Variants in ABI3BP observed in about 807,000 individuals in gnomAD.
ABI3BP encodes the protein target of Nesh-SH3.
Under a neutral mutation model 268.6 loss-of-function variants are expected in ABI3BP, and 216 were observed. The observed-to-expected ratio is 0.80, with a 90% CI of 0.72 to 0.90. The LOEUF (loss-of-function observed/expected upper bound fraction) is 0.90, where lower values mean the gene tolerates loss of function less well. ABI3BP is among the 40% of genes least tolerant of loss of function. The pLI, the probability that ABI3BP is intolerant of heterozygous loss-of-function variation, is 0.00. For missense variants in ABI3BP, 2,090 were observed against 2,182.4 expected, an observed-to-expected ratio of 0.96 and a Z score of 0.84; for synonymous variants, 730 against 730.0, an observed-to-expected ratio of 1.00 and a Z score of 0.00.
intron 63 of ABI3BP, among the ~76,000 whole-genome samples, chr3:100,761,865 G>C (rs1203989431): frequency 6.6e-6 from 1 of 152,172 alleles, no homozygotes; most frequent in Non-Finnish European, 1.5e-5. Context: ...GACAAGTGAT[G>C]GAAAATGCTA....
intron 14 of ABI3BP, among the ~76,000 whole-genome samples, chr3:100,858,546 A>G (rs1171599542): frequency 6.6e-6 from 1 of 152,236 alleles, no homozygotes; most frequent in African/African-American, 2.4e-5. Flanking sequence ...CTTTTTGAGT[A>G]CACATATTCT....
intron 50 of ABI3BP, among the ~76,000 whole-genome samples, chr3:100,805,682 C>G (rs1231840816): frequency 6.6e-6 from 1 of 151,932 alleles, no homozygotes; most frequent in Non-Finnish European, 1.5e-5. Flanking sequence ...AGGACTTGAA[C>G]CAAATGCTGA....
At chr3:100,958,946 G>C (rs901857244) in intron 1 of ABI3BP, among the ~76,000 whole-genome samples, 1 of 152,122 alleles carries the variant, frequency 6.6e-6, no homozygotes, top group Non-Finnish European at 1.5e-5. Context: ...TGCCTCCCAT[G>C]GACATTCTCA....
chr3:100,882,892 T>C (rs2040098137), intron 6 of ABI3BP, among the ~76,000 whole-genome samples: 1 of 152,032 alleles, frequency 6.6e-6, no homozygotes. Context: ...TAGGAGACAA[T>C]GTATGCTTCC....
intron 4 of ABI3BP, among the ~76,000 whole-genome samples, chr3:100,892,450 C>A (rs2045173897): frequency 6.6e-6 from 1 of 152,230 alleles, no homozygotes; most frequent in Non-Finnish European, 1.5e-5. Flanking sequence ...GAAAAGTATT[C>A]TTTTAATAGT....
At chr3:100,924,789 T>G (rs760909444) in intron 2 of ABI3BP, among the ~76,000 whole-genome samples, 2 of 152,168 alleles carry the variant, frequency 1.3e-5, no homozygotes, top group Non-Finnish European at 2.9e-5. Flanking sequence ...TGACTTCTAT[T>G]ACTTTAAGAT....
rs574619059 is a variant in ABI3BP at position 100,771,503 on chromosome 3, A to C, written c.4532-551T>G. Among the ~76,000 whole-genome samples, 7 of 151,790 alleles carry C rather than the reference A, an allele frequency of 4.6e-5. No individual in the cohort carries two copies. The East Asian group carries it at 1.4e-3, about 29-fold the overall frequency. Reference sequence around the variant, plus strand: ...CCAATGTAGATCTCACATAGATGTTAGAATAATCAGATAAGAATTATACTT... The same window carrying C: ...CCAATGTAGATCTCACATAGATGTTCGAATAATCAGATAAGAATTATACTT... On this transcript the variant is annotated intron_variant, in intron 61 of 67. Coordinates refer to ENST00000471714, the MANE Select transcript of ABI3BP (RefSeq NM_001375547.2).
Position 100,907,829 on chromosome 3 carries a change from G to A in ABI3BP, c.260-5143C>T, listed in dbSNP as rs192692765. 4.2e-3 allele frequency among the ~76,000 whole-genome samples: 644 copies of A among 152,116 alleles called. 3 individuals carry two copies. The highest frequency in any genetic ancestry group is 0.014 in the African/African-American group (597 of 41,512). The stretch of plus-strand genomic sequence containing the variant: ...CCCAGGAATGTAACATAAAGGGAAA[G>A]AAAAGGCCGGGAGTGGTAGCTCACG... On this transcript the variant is annotated intron_variant, in intron 2 of 67. Transcript: ENST00000471714.
intron 51 of ABI3BP, among the ~76,000 whole-genome samples, chr3:100,803,806 T>G (rs990540857): frequency 1.3e-5 from 2 of 152,198 alleles, no homozygotes; most frequent in Non-Finnish European, 2.9e-5. Flanking sequence ...ATTTACATTC[T>G]AGACTTCAGG....
At chr3:100,863,752 T>C in intron 12 of ABI3BP, 1 of 432,560 alleles carries the variant, frequency 2.3e-6, no homozygotes, top group South Asian at 3.9e-5. Flanking sequence ...AAATGATCAA[T>C]TTGTTCAGTG....
chr3:100,769,431 A>T (rs975730741), intron 62 of ABI3BP, among the ~76,000 whole-genome samples: 1 of 152,242 alleles, frequency 6.6e-6, no homozygotes, highest in African/African-American at 2.4e-5. Flanking sequence ...CATATATACA[A>T]TCAGAAAGGC....
chr3:100,754,715 T>C (rs769160690), intron 63 of ABI3BP, 24 bp from the exon 64 acceptor site: 4 of 1,542,354 alleles, frequency 2.6e-6, no homozygotes, highest in Non-Finnish European at 3.5e-6. Flanking sequence ...AATAAAAAAA[T>C]ACTTGTAATA....
chr3:100,862,515 C>A, intron 13 of ABI3BP, 130 bp from the exon 14 acceptor site: 1 of 627,558 alleles, frequency 1.6e-6, no homozygotes, highest in South Asian at 2.1e-5. Flanking sequence ...AATAAAAAGT[C>A]ATTATATATC....
chr3:100,874,866 A>C lies in ABI3BP; in HGVS notation c.885T>G (p.Ile295Met). 6.3e-7 allele frequency: 1 copy of C among 1,598,408 alleles called. No individual in the cohort carries two copies. Among genetic ancestry groups the C allele is most frequent in the South Asian group, 1.1e-5 (1 of 88,234 alleles). Reference protein sequence around the residue: ...VKLPASLMFEISDALKTQLAK... With the variant: ...VKLPASLMFEMSDALKTQLAK... The stretch of plus-strand genomic sequence containing the variant: ...CTAATTGTGTCTTGAGTGCATCTGA[A>C]ATCTCAAACATTAGGGATGCAGGAA... The change falls in exon 9 of 68, where the codon ATT becomes ATG. Residue 295 changes from isoleucine to methionine, a missense_variant. Transcript: ENST00000471714.
At chr3:100,916,905 A>G (rs775681722) in intron 2 of ABI3BP, among the ~76,000 whole-genome samples, 4 of 152,224 alleles carry the variant, frequency 2.6e-5, no homozygotes, top group Non-Finnish European at 5.9e-5. Context: ...TGTAGATTGC[A>G]TATAGATTTT....
At chr3:100,819,577 A>AT (rs1002500432) in intron 40 of ABI3BP, among the ~76,000 whole-genome samples, 1 of 151,876 alleles carries the variant, frequency 6.6e-6, no homozygotes, top group African/African-American at 2.4e-5. Flanking sequence ...AAGGCACTTA[A>AT]TTTTTTTTCT....
chr3:100,840,757 C>G, intron 22 of ABI3BP, 63 bp downstream of exon 22: 1 of 1,381,302 alleles, frequency 7.2e-7, no homozygotes, highest in Non-Finnish European at 9.9e-7. Context: ...GTGAGTCTGT[C>G]AACACAGATA....
intron 29 of ABI3BP, among the ~76,000 whole-genome samples, chr3:100,834,388 A>G (rs912810631): frequency 6.6e-6 from 1 of 152,178 alleles, no homozygotes; most frequent in African/African-American, 2.4e-5. Context: ...GTTGAACTAA[A>G]TATGCTAACT....
At chr3:100,880,747 C>T (rs533021026) in intron 6 of ABI3BP, among the ~76,000 whole-genome samples, 13 of 152,152 alleles carry the variant, frequency 8.5e-5, no homozygotes, top group Non-Finnish European at 1.5e-4. Context: ...AAGGAACTTG[C>T]GTCTCACCCT....
Sources: allele counts gnomAD v4.1 joint callset (sites outside exome capture counted in the v4.1 genomes callset), GRCh38; gene constraint gnomAD v4.1.1; transcripts MANE v1.5; gene names NCBI Gene and HGNC (gene_info 2026-07-23, HGNC 2026-07-21).